LRRC4C: variants seen among roughly 807,000 people sequenced by gnomAD.
LRRC4C encodes the protein leucine rich repeat containing 4C, also known as leucine-rich repeat-containing protein 4C.
Under a neutral mutation model 33.6 loss-of-function variants are expected in LRRC4C, and 5 were observed. That is an observed-to-expected ratio of 0.15 (90% confidence interval 0.08 to 0.31). The LOEUF (loss-of-function observed/expected upper bound fraction) is 0.31. LRRC4C is among the 10% of genes least tolerant of loss of function. LRRC4C has a pLI of 1.00. For synonymous variants in LRRC4C, 329 were observed against 302.0 expected, an observed-to-expected ratio of 1.09 and a Z score of -0.93; for missense variants, 560 against 796.7, an observed-to-expected ratio of 0.70 and a Z score of 3.58.
chr11:41,338,194 T>C (rs183344066), intron 1 of LRRC4C, among the ~76,000 whole-genome samples: 1 of 152,322 alleles, frequency 6.6e-6, no homozygotes, highest in Non-Finnish European at 1.5e-5. Flanking sequence ...CATTACTGGG[T>C]ATATACCCAG....
intron 1 of LRRC4C, among the ~76,000 whole-genome samples, chr11:41,272,274 T>C (rs551575601): frequency 8.5e-5 from 13 of 152,226 alleles, no homozygotes; most frequent in African/African-American, 3.1e-4. Context: ...TGCAGAAGGA[T>C]CCAGCCAGTT....
intron 3 of LRRC4C, among the ~76,000 whole-genome samples, chr11:40,371,474 A>G (rs1948445512): frequency 6.6e-6 from 1 of 152,166 alleles, no homozygotes; most frequent in African/African-American, 2.4e-5. Flanking sequence ...CTTTACTACA[A>G]CTTCACAAAT....
At chr11:40,336,357 G>C (rs933422637) in intron 3 of LRRC4C, among the ~76,000 whole-genome samples, 1 of 152,058 alleles carries the variant, frequency 6.6e-6, no homozygotes, top group Non-Finnish European at 1.5e-5. Flanking sequence ...TGGCTAATAC[G>C]TATTTCCCAC....
intron 3 of LRRC4C, among the ~76,000 whole-genome samples, chr11:40,613,848 A>C (rs1421100704): frequency 6.6e-6 from 1 of 151,860 alleles, no homozygotes; most frequent in Non-Finnish European, 1.5e-5. Flanking sequence ...TTAGGTGACG[A>C]GGTGCATTGC....
intron 3 of LRRC4C, among the ~76,000 whole-genome samples, chr11:40,516,913 G>C (rs1955582460): frequency 6.6e-6 from 1 of 152,078 alleles, no homozygotes; most frequent in Non-Finnish European, 1.5e-5. Context: ...CTATTTATTG[G>C]AAGCCTACAC....
At chr11:40,477,585 G>A (rs1035206887) in intron 3 of LRRC4C, among the ~76,000 whole-genome samples, 9 of 150,880 alleles carry the variant, frequency 6.0e-5, no homozygotes, top group Non-Finnish European at 1.2e-4. Context: ...ATTTGCTTAT[G>A]TTTAAATATG....
chr11:40,409,033 C>G (rs1313080592), intron 3 of LRRC4C, among the ~76,000 whole-genome samples: 1 of 151,956 alleles, frequency 6.6e-6, no homozygotes, highest in Non-Finnish European at 1.5e-5. Context: ...GCAATCGAAA[C>G]AGCTCTGGCA....
intron 3 of LRRC4C, among the ~76,000 whole-genome samples, chr11:40,638,364 G>T (rs1224246260): frequency 6.6e-6 from 1 of 152,118 alleles, no homozygotes; most frequent in Non-Finnish European, 1.5e-5. Flanking sequence ...CACATGCTAA[G>T]CAATGCATGT....
At chr11:40,441,084 C>T (rs1410271980) in intron 3 of LRRC4C, among the ~76,000 whole-genome samples, 1 of 152,174 alleles carries the variant, frequency 6.6e-6, no homozygotes, top group Non-Finnish European at 1.5e-5. Context: ...CACTCCTCCA[C>T]TCTTTTTCTG....
intron 2 of LRRC4C, among the ~76,000 whole-genome samples, chr11:40,929,589 T>C (rs1199964093): frequency 6.6e-6 from 1 of 152,104 alleles, no homozygotes; most frequent in Admixed American, 6.6e-5. Context: ...CACCACCTTC[T>C]AGTTATTCAA....
Position 40,238,503 on chromosome 11 carries a change from G to A in LRRC4C, c.-96+3016C>T, listed in dbSNP as rs116162098. Among the ~76,000 whole-genome samples the A allele has an allele frequency of 4.3e-3, 650 of 152,258 alleles. 2 individuals are homozygous for A. The highest frequency in any genetic ancestry group is 0.015 in the African/African-American group (629 of 41,570). On this transcript the variant is annotated intron_variant, in intron 5 of 6. Coordinates refer to ENST00000528697, the MANE Select transcript of LRRC4C (RefSeq NM_001258419.2). ...CATCCAGGACAATCAGAATTCAGAG[G>A]AGCCTAGCAGAATCATTTTTTAAAA...
At chr11:40,956,854 T>A (rs778688343) in intron 1 of LRRC4C, among the ~76,000 whole-genome samples, 1 of 151,706 alleles carries the variant, frequency 6.6e-6, no homozygotes, top group Non-Finnish European at 1.5e-5. Flanking sequence ...CATGGAACAT[T>A]TTGTTATATG....
chr11:40,648,667 T>C (rs1446504238), intron 2 of LRRC4C, among the ~76,000 whole-genome samples: 1 of 152,230 alleles, frequency 6.6e-6, no homozygotes, highest in Non-Finnish European at 1.5e-5. Flanking sequence ...GAATTGCTTT[T>C]ACATGTATTA....
rs182151917 is a variant in LRRC4C at position 40,359,208 on chromosome 11, A to G, written c.-269-39487T>C. Among the ~76,000 whole-genome samples, 44 of 152,344 alleles carry G rather than the reference A, an allele frequency of 2.9e-4. No individual in the cohort carries two copies. The East Asian group carries it at 6.0e-3, about 21-fold the overall frequency. On this transcript the variant is annotated intron_variant, in intron 3 of 6. Transcript: ENST00000528697. ...TACATGTGCACCTCTCAAAAGCAGG[A>G]TACCAGTATGTGGCCTTCATTAGAA... is the stretch of plus-strand genomic sequence containing the variant.
At chr11:41,323,378 CTA>C (rs1951014991) in intron 1 of LRRC4C, among the ~76,000 whole-genome samples, 2 of 152,104 alleles carry the variant, frequency 1.3e-5, no homozygotes, top group African/African-American at 4.8e-5. Flanking sequence ...TAAAATAAAT[CTA>C]TACAAGTTTT....
chr11:40,695,178 G>A (rs1945430128), intron 2 of LRRC4C, among the ~76,000 whole-genome samples: 1 of 152,188 alleles, frequency 6.6e-6, no homozygotes, highest in African/African-American at 2.4e-5. Context: ...CATTATGCTT[G>A]TGGTGATCAG....
intron 1 of LRRC4C, among the ~76,000 whole-genome samples, chr11:41,021,156 TGAGAGAGAGAGAGAGAGAGAGAGAGAGA>T (rs71060991): frequency 5.1e-4 from 65 of 127,134 alleles, no homozygotes; most frequent in African/African-American, 1.0e-3. Context: ...ATCGTGCATC[TGAGAGAGAGAGAGAGAGAGAGAGAGAGA>T]GAGAGAGAGA....
chr11:41,315,018 G>A (rs193163040), intron 1 of LRRC4C, among the ~76,000 whole-genome samples: 29 of 152,138 alleles, frequency 1.9e-4, no homozygotes, highest in Non-Finnish European at 3.7e-4. Context: ...CATAACCTAC[G>A]AAATAAGACC....
intron 3 of LRRC4C, among the ~76,000 whole-genome samples, chr11:40,561,334 C>T (rs1957537743): frequency 6.6e-6 from 1 of 151,524 alleles, no homozygotes; most frequent in South Asian, 2.1e-4. Flanking sequence ...AGGTGTCTTC[C>T]AGCAATACTA....
Sources: gnomAD v4.1 joint callset for allele counts (sites outside exome capture counted in the v4.1 genomes callset) on GRCh38, gnomAD v4.1.1 for gene constraint, MANE v1.5 for transcripts, NCBI Gene and HGNC (gene_info 2026-07-23, HGNC 2026-07-21) for gene names.